Variants in DAB1 observed in about 807,000 individuals in gnomAD.
The protein encoded by DAB1 is DAB adaptor protein 1, also known as disabled homolog 1.
DAB1 carries 15 observed loss-of-function variants against 64.6 expected under a neutral mutation model. The ratio of observed to expected loss-of-function variants is 0.23; its 90% CI spans 0.16 to 0.36. The LOEUF is 0.36. Among genes scored for constraint, DAB1 ranks in the 10% least tolerant of loss-of-function variants. DAB1 has a pLI of 1.00. For synonymous variants in DAB1, 235 were observed against 251.9 expected, an observed-to-expected ratio of 0.93 and a Z score of 0.64; for missense variants, 596 against 706.7, an observed-to-expected ratio of 0.84 and a Z score of 1.78.
chr1:58,293,738 G>T lies in DAB1; in HGVS notation n.309+49614C>A, dbSNP rs1478059019. Among the ~76,000 whole-genome samples, 4 of 152,316 alleles carry T rather than the reference G, an allele frequency of 2.6e-5. No individual in the cohort carries two copies. The East Asian group carries it at 7.7e-4, about 29-fold the overall frequency. On this transcript the variant is annotated intron_variant and non_coding_transcript_variant, in intron 4 of 20. Transcript: ENST00000485760. ...TCAGCAAATTGGCCAACAGGCAGAA[G>T]CCATAAGCCCCTTCCTTTTGTTGAA...
At chr1:57,326,779 A>G (rs1337539612) in intron 1 of DAB1, among the ~76,000 whole-genome samples, 2 of 152,074 alleles carry the variant, frequency 1.3e-5, no homozygotes, top group African/African-American at 4.8e-5. Context: ...TCCCATCATG[A>G]GAGTACCATC....
chr1:57,480,566 C>G (rs1182419598), intron 7 of DAB1, among the ~76,000 whole-genome samples: 1 of 151,648 alleles, frequency 6.6e-6, no homozygotes, highest in Non-Finnish European at 1.5e-5. Flanking sequence ...CTCACTGCAA[C>G]CTCTGCCTCC....
At chr1:57,823,392 C>A (rs1652207968), downstream of DAB1, among the ~76,000 whole-genome samples, 1 of 151,846 alleles carries the variant, frequency 6.6e-6, no homozygotes, top group Non-Finnish European at 1.5e-5. Flanking sequence ...AGGTTGGACA[C>A]CGAGGAAGAG....
intron 14 of DAB1, among the ~76,000 whole-genome samples, chr1:57,000,801 A>G (rs1298380411): frequency 6.6e-6 from 1 of 152,202 alleles, no homozygotes; most frequent in Non-Finnish European, 1.5e-5. Context: ...ATCTCACCCT[A>G]CAATTTGCTC....
chr1:57,465,745 T>C (rs1020761093), intron 7 of DAB1, among the ~76,000 whole-genome samples: 2 of 152,196 alleles, frequency 1.3e-5, no homozygotes, highest in African/African-American at 2.4e-5. Flanking sequence ...TTAATCTGTA[T>C]GTATGAAGAA....
intron 7 of DAB1, among the ~76,000 whole-genome samples, chr1:57,613,824 G>A (rs528259056): frequency 1.8e-4 from 27 of 152,210 alleles, no homozygotes; most frequent in African/African-American, 5.5e-4. Context: ...CCTTGGAGTC[G>A]GAGAGACCTG....
At chr1:57,419,596 T>G (rs978586738) in intron 1 of DAB1, among the ~76,000 whole-genome samples, 3 of 152,114 alleles carry the variant, frequency 2.0e-5, no homozygotes, top group Non-Finnish European at 4.4e-5. Context: ...ATATCAATGA[T>G]GGAAAACTTT....
Position 57,816,727 on chromosome 1 carries a change from ACTT to A in DAB1, n.551+67269_551+67271del, listed in dbSNP as rs556951584. Among the ~76,000 whole-genome samples, 94 of 152,116 alleles carry A rather than the reference ACTT, an allele frequency of 6.2e-4. 1 individual carries two copies. Among genetic ancestry groups the A allele is most frequent in the African/African-American group, 2.0e-3 (85 of 41,492 alleles). On this transcript the variant is annotated intron_variant and non_coding_transcript_variant, in intron 6 of 20. Coordinates refer to the DAB1 transcript ENST00000485760. The stretch of plus-strand genomic sequence containing the variant: ...TTATAAAAGCCTTCTTCACTCATCC[ACTT>A]CTTCTGAAAATGATCAATACCAGGC...
intron 1 of DAB1, among the ~76,000 whole-genome samples, chr1:57,343,930 G>C (rs867940348): frequency 6.6e-6 from 1 of 152,256 alleles, no homozygotes; most frequent in Admixed American, 6.5e-5. Flanking sequence ...CGCCCAGAGC[G>C]AGCAAGGGCT....
At chr1:57,560,214 A>C (rs1570626900) in intron 7 of DAB1, among the ~76,000 whole-genome samples, 1 of 152,220 alleles carries the variant, frequency 6.6e-6, no homozygotes, top group South Asian at 2.1e-4. Flanking sequence ...GTGGTATATC[A>C]GTTCTCCGGC....
chr1:57,045,159 T>C (rs1459336160), intron 9 of DAB1, among the ~76,000 whole-genome samples: 1 of 152,186 alleles, frequency 6.6e-6, no homozygotes, highest in African/African-American at 2.4e-5. Context: ...TAAGACGACC[T>C]GTGTTTTAAG....
At chr1:58,123,771 G>C (rs1177254326) in intron 5 of DAB1, among the ~76,000 whole-genome samples, 1 of 152,104 alleles carries the variant, frequency 6.6e-6, no homozygotes, top group Non-Finnish European at 1.5e-5. Flanking sequence ...TTCTGGCTCT[G>C]TTCGTAAATA....
chr1:57,056,359 G>T (rs1008516121), intron 9 of DAB1, among the ~76,000 whole-genome samples: 4 of 144,306 alleles, frequency 2.8e-5, no homozygotes, highest in Non-Finnish European at 6.0e-5. Context: ...AAAAAAAATT[G>T]CCAGGCATGG....
chr1:57,424,290 C>T (rs549750737), upstream of DAB1, among the ~76,000 whole-genome samples: 9 of 151,436 alleles, frequency 5.9e-5, no homozygotes, highest in African/African-American at 1.9e-4. Flanking sequence ...GAGCGCGCTC[C>T]GAGAGCTTAG....
At chr1:57,958,122 T>C (rs1264593260) in intron 5 of DAB1, among the ~76,000 whole-genome samples, 1 of 152,014 alleles carries the variant, frequency 6.6e-6, no homozygotes, top group Non-Finnish European at 1.5e-5. Context: ...GTAGCTGAGA[T>C]TACAGGTGTC....
At chr1:57,218,540 A>AAG (rs1666611769) in intron 2 of DAB1, among the ~76,000 whole-genome samples, 1 of 148,688 alleles carries the variant, frequency 6.7e-6, no homozygotes, top group African/African-American at 2.5e-5. Context: ...AAAAAAAAAA[A>AAG]AAACAGAAAA....
At chr1:58,392,154 A>C (rs145033675) in intron 3 of DAB1, among the ~76,000 whole-genome samples, 20 of 152,332 alleles carry the variant, frequency 1.3e-4, no homozygotes, top group African/African-American at 4.8e-4. Context: ...GGAAGGAAGA[A>C]GAGCTAAGCG....
intron 4 of DAB1, among the ~76,000 whole-genome samples, chr1:58,298,542 G>A (rs1016634120): frequency 2.6e-5 from 4 of 152,258 alleles, no homozygotes; most frequent in African/African-American, 4.8e-5. Flanking sequence ...AGGAGCCTAT[G>A]CCTCTCCAGC....
intron 1 of DAB1, among the ~76,000 whole-genome samples, chr1:57,877,431 AC>A (rs1644064694): frequency 6.6e-6 from 1 of 150,784 alleles, no homozygotes; most frequent in Non-Finnish European, 1.5e-5. Flanking sequence ...TCCCACACAC[AC>A]CCTTTGGCTG....
Sources: allele counts gnomAD v4.1 joint callset (sites outside exome capture counted in the v4.1 genomes callset), GRCh38; gene constraint gnomAD v4.1.1; transcripts MANE v1.5; gene names NCBI Gene and HGNC (gene_info 2026-07-23, HGNC 2026-07-21).